Variants in GPD1L observed in about 807,000 individuals in gnomAD.
The protein encoded by GPD1L is glycerol-3-phosphate dehydrogenase 1 like.
GPD1L carries 17 observed loss-of-function variants against 32.9 expected under a neutral mutation model. The ratio of observed to expected loss-of-function variants is 0.52; its 90% confidence interval spans 0.35 to 0.78. The LOEUF is 0.78. Ranked by LOEUF, GPD1L falls within the 30% of genes least tolerant of loss-of-function variation. The pLI, the probability that GPD1L is intolerant of heterozygous loss-of-function variation, is 0.01. For synonymous variants in GPD1L, 187 were observed against 165.9 expected, an observed-to-expected ratio of 1.13 and a Z score of -0.98; for missense variants, 361 against 447.8, an observed-to-expected ratio of 0.81 and a Z score of 1.75.
intron 5 of GPD1L, among the ~76,000 whole-genome samples, chr3:32,152,454 AC>A (rs1030875391): frequency 6.6e-6 from 1 of 152,102 alleles, no homozygotes; most frequent in Non-Finnish European, 1.5e-5. Flanking sequence ...AGTATCGGGC[AC>A]CAGCAGTTCT....
intron 1 of GPD1L, among the ~76,000 whole-genome samples, chr3:32,119,765 A>G (rs1212806097): frequency 1.3e-5 from 2 of 152,180 alleles, no homozygotes; most frequent in African/African-American, 4.8e-5. Flanking sequence ...TATTTAAACC[A>G]CAAAGGACCA....
chr3:32,144,456 A>C (rs1246125060), intron 4 of GPD1L, among the ~76,000 whole-genome samples: 2 of 152,254 alleles, frequency 1.3e-5, no homozygotes, highest in Non-Finnish European at 2.9e-5. Flanking sequence ...ACTTGTAAGC[A>C]CACAAACACA....
chr3:32,138,851 C>T (rs1700702126), intron 3 of GPD1L, 124 bp downstream of exon 3: 1 of 948,880 alleles, frequency 1.1e-6, no homozygotes, highest in Admixed American at 2.0e-5. Flanking sequence ...CGTTTGTGTT[C>T]TTAAAGATGC....
intron 7 of GPD1L, among the ~76,000 whole-genome samples, chr3:32,164,386 A>G (rs1382420272): frequency 6.6e-6 from 1 of 152,262 alleles, no homozygotes; most frequent in South Asian, 2.1e-4. Context: ...GCATGGTGCC[A>G]GGCACTGAGG....
At chr3:32,162,771 T>C (rs1701089177) in intron 7 of GPD1L, among the ~76,000 whole-genome samples, 1 of 152,160 alleles carries the variant, frequency 6.6e-6, no homozygotes, top group South Asian at 2.1e-4. Flanking sequence ...CTGAGGTGCA[T>C]GTTGCAAGCT....
At chr3:32,145,830 C>A (rs1700812195) in intron 4 of GPD1L, among the ~76,000 whole-genome samples, 1 of 152,188 alleles carries the variant, frequency 6.6e-6, no homozygotes, top group Admixed American at 6.5e-5. Flanking sequence ...AATGAAAGAA[C>A]AGTAATGCTA....
At chr3:32,142,171 C>T (rs908748095) in intron 4 of GPD1L, among the ~76,000 whole-genome samples, 7 of 151,358 alleles carry the variant, frequency 4.6e-5, no homozygotes, top group Admixed American at 2.0e-4. Context: ...CAGGCTTGAG[C>T]GCAGTGGTGC....
chr3:32,119,794 C>G (rs1700382673), intron 1 of GPD1L, among the ~76,000 whole-genome samples: 1 of 152,138 alleles, frequency 6.6e-6, no homozygotes, highest in Non-Finnish European at 1.5e-5. Context: ...CCCATGGAAC[C>G]AGCCCGGGTC....
At position 32,166,059 on chromosome 3, in the gene GPD1L, A is replaced by G; in HGVS notation, c.*149A>G. On this transcript the variant is annotated 3_prime_UTR_variant, in exon 8 of 8. Coordinates refer to ENST00000282541, the MANE Select transcript of GPD1L (RefSeq NM_015141.4). ...TTTACAGGTTCGTTTTTGAATTGTG[A>G]GAGGCAGTTCATTAGCAAAGATGTA... is the stretch of plus-strand genomic sequence containing the variant. 1.4e-6 allele frequency: 1 copy of G among 690,242 alleles called. No individual in the cohort carries two copies. The highest frequency in any genetic ancestry group is 2.7e-6 in the Non-Finnish European group (1 of 375,104). 42.8% of individuals were successfully genotyped at this position (690,242 alleles called of 1,614,324 possible).
chr3:32,154,233 C>G (rs1700957998), intron 5 of GPD1L, among the ~76,000 whole-genome samples: 1 of 152,104 alleles, frequency 6.6e-6, no homozygotes, highest in Non-Finnish European at 1.5e-5. Flanking sequence ...CTGATCTCCC[C>G]TGGTGGGAAG....
chr3:32,114,703 C>G (rs1700301450), intron 1 of GPD1L, among the ~76,000 whole-genome samples: 1 of 151,612 alleles, frequency 6.6e-6, no homozygotes, highest in African/African-American at 2.4e-5. Context: ...GCCGCGGACC[C>G]TCACGGTGAG....
chr3:32,159,605 A>G lies in GPD1L; in HGVS notation c.890A>G (p.Gln297Arg), dbSNP rs1358056076. ...EELEKEMLNG[Q>R]KLQGPQTSAE... Reference sequence around the variant, plus strand: ...TTGGAGAAGGAGATGCTGAATGGGCAAAAGCTCCAAGGACCGCAGACTTCT... The same window carrying G: ...TTGGAGAAGGAGATGCTGAATGGGCGAAAGCTCCAAGGACCGCAGACTTCT... Residue 297 changes from glutamine to arginine, a missense_variant, in exon 7 of 8, where the codon CAA (glutamine) becomes CGA (arginine). Coordinates refer to ENST00000282541, the MANE Select transcript of GPD1L (RefSeq NM_015141.4). 8 of 1,612,792 alleles carry G rather than the reference A, an allele frequency of 5.0e-6. No homozygotes were observed. The highest frequency in any genetic ancestry group is 6.8e-6 in the Non-Finnish European group (8 of 1,179,094).
In GPD1L at chr3:32,165,892, C is replaced by A; in HGVS notation, c.1038C>A (p.Ser346Arg). ...PVQEMLSCLQ[S>R]HPEHT ...AAGAGATGTTGTCTTGTCTTCAGAG[C>A]CATCCAGAGCATACATAAAGTGAAT... The change falls in exon 8 of 8, where the codon AGC (serine) becomes AGA (arginine). Residue 346 changes from serine to arginine, a missense_variant. Physicochemically the swap from Ser to Arg is moderately radical, Grantham distance 110. Transcript: ENST00000282541. 2 of 1,588,132 alleles carry A rather than the reference C, an allele frequency of 1.3e-6. No homozygotes were observed. Among genetic ancestry groups the A allele is most frequent in the Non-Finnish European group, 1.7e-6 (2 of 1,156,192 alleles).
rs1700173391 is a variant in GPD1L, at chr3:32,106,950, C to G, written c.47+192C>G. 2.2e-6 allele frequency: 1 copy of G among 447,116 alleles called. No homozygotes were observed. Among genetic ancestry groups the G allele is most frequent in the African/African-American group, 2.0e-5 (1 of 48,786 alleles). 27.7% of individuals were successfully genotyped at this position (447,116 alleles called of 1,614,324 possible). A position where few individuals can be genotyped will look rare whatever the true frequency, so the allele number is the denominator to read the frequency against. ...CGCACCGGGGCACTCGCTCGGGAGG[C>G]GCTGGGCTCGCGTGCGTGCGGGGGA... On this transcript the variant is annotated intron_variant, in intron 1 of 7. Transcript: ENST00000282541. This position sits in a 1 kb window ranked among gnomAD's most constrained non-coding sequence, Gnocchi z 4.0.
At position 32,140,225 on chromosome 3, in the gene GPD1L, T is replaced by C; in HGVS notation, c.367-3T>C. On this transcript the variant is annotated splice_polypyrimidine_tract_variant and splice_region_variant and intron_variant, in intron 3 of 7. Transcript: ENST00000282541. ...CTCTCCTAACTTCTTGGCATCCTTG[T>C]AGGGCATAGACGAGGGCCCCGAGGG... 1 of 1,614,042 alleles carries C rather than the reference T, an allele frequency of 6.2e-7. No individual in the cohort carries two copies. The highest frequency in any genetic ancestry group is 8.5e-7 in the Non-Finnish European group (1 of 1,179,962).
At chr3:32,118,606 A>G (rs1302423127) in intron 1 of GPD1L, among the ~76,000 whole-genome samples, 1 of 152,186 alleles carries the variant, frequency 6.6e-6, no homozygotes, top group Middle Eastern at 3.2e-3. Flanking sequence ...TACACATAAC[A>G]TAAAATTTAC....
intron 5 of GPD1L, among the ~76,000 whole-genome samples, chr3:32,157,114 A>G (rs1332018698): frequency 6.6e-6 from 1 of 152,090 alleles, no homozygotes; most frequent in African/African-American, 2.4e-5. Context: ...TGCAGGTGTT[A>G]CTTGTCATAG....
chr3:32,160,079 G>A (rs955209554), intron 7 of GPD1L, among the ~76,000 whole-genome samples: 10 of 152,046 alleles, frequency 6.6e-5, no homozygotes, highest in Non-Finnish European at 1.3e-4. Context: ...GGACGAGTTA[G>A]CCCAACATTA....
chr3:32,164,374 G>A (rs777844007), intron 7 of GPD1L, among the ~76,000 whole-genome samples: 21 of 152,172 alleles, frequency 1.4e-4, no homozygotes, highest in Non-Finnish European at 2.1e-4. Context: ...GCCCCTTGCC[G>A]TGCATGGTGC....
Sources: gnomAD v4.1 joint callset for allele counts (sites outside exome capture counted in the v4.1 genomes callset) on GRCh38, gnomAD v4.1.1 for gene constraint, Gnocchi (gnomAD v3.1) non-coding constraint, MANE v1.5 for transcripts, NCBI Gene and HGNC (gene_info 2026-07-23, HGNC 2026-07-21) for gene names.